The following PITPNM2 variants were observed in gnomAD, a reference collection of about 807,000 sequenced individuals.
PITPNM2 encodes membrane-associated phosphatidylinositol transfer protein 2.
PITPNM2 carries 35 observed loss-of-function variants against 132.2 expected under a neutral mutation model. That is an observed-to-expected ratio of 0.26 (90% CI 0.20 to 0.35). PITPNM2 has a LOEUF of 0.35. Ranked by LOEUF, PITPNM2 falls within the 10% of genes least tolerant of loss-of-function variation. The pLI is 1.00. For synonymous variants in PITPNM2, 738 were observed against 799.2 expected, an observed-to-expected ratio of 0.92 and a Z score of 1.29; for missense variants, 1,332 against 1,912.0, an observed-to-expected ratio of 0.70 and a Z score of 5.66.
chr12:122,995,329 T>C, intron 14 of PITPNM2, 60 bp downstream of exon 14: 1 of 1,523,612 alleles, frequency 6.6e-7, no homozygotes, highest in African/African-American at 1.4e-5. Context: ...GGGATGTTCC[T>C]CCCTCTTGGA....
intron 2 of PITPNM2, among the ~76,000 whole-genome samples, chr12:123,052,235 C>T (rs2040885175): frequency 6.6e-6 from 1 of 152,004 alleles, no homozygotes; most frequent in African/African-American, 2.4e-5. Flanking sequence ...CTAGTTTTTC[C>T]ATTCTATTCT....
chr12:123,038,575 T>C (rs774011207), intron 2 of PITPNM2, among the ~76,000 whole-genome samples: 1 of 152,248 alleles, frequency 6.6e-6, no homozygotes, highest in Non-Finnish European at 1.5e-5. Flanking sequence ...GGAGCCAGGC[T>C]CTCTGAGATC....
chr12:123,047,103 A>G (rs1345845439), intron 2 of PITPNM2, among the ~76,000 whole-genome samples: 3 of 152,240 alleles, frequency 2.0e-5, no homozygotes. Flanking sequence ...TTTGGAAGAA[A>G]TGAAAGCCCC....
chr12:123,131,599 G>A (rs1182925184), intron 1 of PITPNM2, among the ~76,000 whole-genome samples: 1 of 152,198 alleles, frequency 6.6e-6, no homozygotes. Context: ...GGCTCCAGGA[G>A]GCAGAGGGAG....
At chr12:123,102,502 G>A (rs1361985704) in intron 2 of PITPNM2, among the ~76,000 whole-genome samples, 1 of 152,150 alleles carries the variant, frequency 6.6e-6, no homozygotes, top group African/African-American at 2.4e-5. Flanking sequence ...AAAGCAAACT[G>A]GATTTCCCTC....
At chr12:123,020,801 T>A (rs1001039457) in intron 3 of PITPNM2, among the ~76,000 whole-genome samples, 1 of 151,896 alleles carries the variant, frequency 6.6e-6, no homozygotes, top group Non-Finnish European at 1.5e-5. Context: ...GGCAGGCAGA[T>A]CACCTGAGGT....
chr12:123,043,992 G>C (rs1386852497), intron 2 of PITPNM2, among the ~76,000 whole-genome samples: 1 of 152,128 alleles, frequency 6.6e-6, no homozygotes, highest in Non-Finnish European at 1.5e-5. Context: ...GGTCCTCTAG[G>C]GACCCTGCTG....
At chr12:123,086,661 G>A (rs2042121190) in intron 2 of PITPNM2, among the ~76,000 whole-genome samples, 1 of 152,178 alleles carries the variant, frequency 6.6e-6, no homozygotes, top group Non-Finnish European at 1.5e-5. Context: ...TTAGTGACTT[G>A]CCCCAGGACA....
chr12:123,109,261 A>G (rs2042785330), intron 2 of PITPNM2, among the ~76,000 whole-genome samples: 1 of 147,226 alleles, frequency 6.8e-6, no homozygotes, highest in Non-Finnish European at 1.6e-5. Flanking sequence ...AAAAAGAAGG[A>G]AAAATCACTT....
intron 2 of PITPNM2, among the ~76,000 whole-genome samples, chr12:123,052,344 T>C (rs956139991): frequency 8.5e-5 from 13 of 152,188 alleles, no homozygotes; most frequent in Non-Finnish European, 1.6e-4. Flanking sequence ...TTTATTCTCT[T>C]ACAGTTCTGG....
Position 123,009,897 on chromosome 12 carries a change from C to T in PITPNM2, c.596G>A (p.Arg199His), listed in dbSNP as rs777705611. Reference sequence around the variant, plus strand: ...GATCTTGGACTGCATGCCCCAGTAGCGGAACTCCACCTTGCAGAGCTTGTA... The same window carrying T: ...GATCTTGGACTGCATGCCCCAGTAGTGGAACTCCACCTTGCAGAGCTTGTA... ...CAYKLCKVEF[R>H]YWGMQSKIER... Residue 199 changes from arginine (R) to histidine (H), a missense_variant, in exon 6 of 26, where the codon CGC (arginine) becomes CAC (histidine). Transcript: ENST00000320201. This position sits in a 1 kb window ranked among gnomAD's most constrained non-coding sequence, Gnocchi z 4.8. 21 of 1,614,162 alleles carry T rather than the reference C, an allele frequency of 1.3e-5. No individual in the cohort carries two copies. Among genetic ancestry groups the T allele is most frequent in the Non-Finnish European group, 1.7e-5 (20 of 1,180,026 alleles).
chr12:123,111,068 G>A lies in PITPNM2; in HGVS notation c.-199-580C>T, dbSNP rs774490407. Among the ~76,000 whole-genome samples, 31 of 152,176 alleles carry A rather than the reference G, an allele frequency of 2.0e-4. No homozygotes were observed. Among genetic ancestry groups the A allele is most frequent in the Non-Finnish European group, 4.3e-4 (29 of 68,032 alleles). On this transcript the variant is annotated intron_variant, in intron 1 of 25. Transcript: ENST00000320201. This position sits in a 1 kb window ranked among gnomAD's most constrained non-coding sequence, Gnocchi z 4.1. ...CAGAGACAAGCATTCAAAACAAAATGAAAAAGGTGGAGAAATGGATTTCCA... is the reference window on the plus strand; with the variant it reads ...CAGAGACAAGCATTCAAAACAAAATAAAAAAGGTGGAGAAATGGATTTCCA...
At chr12:122,988,585 AAAGGT>A (rs1051010273) in intron 19 of PITPNM2, 134 bp downstream of exon 19, 5 of 934,780 alleles carry the variant, frequency 5.3e-6, no homozygotes, top group Admixed American at 5.4e-5. Context: ...ACCCGAGCAT[AAAGGT>A]GCCCTCATCT....
At chr12:123,059,083 G>A (rs1303549054) in intron 2 of PITPNM2, among the ~76,000 whole-genome samples, 2 of 152,238 alleles carry the variant, frequency 1.3e-5, no homozygotes, top group Non-Finnish European at 2.9e-5. Context: ...CAGCTGTGGG[G>A]GCAGAGGTCA....
chr12:123,127,497 C>T (rs972109674), intron 1 of PITPNM2, among the ~76,000 whole-genome samples: 1 of 152,162 alleles, frequency 6.6e-6, no homozygotes, highest in Admixed American at 6.5e-5. Flanking sequence ...CTGTCTTATT[C>T]TAATTAATTT....
chr12:123,134,458 C>T (rs1158583661), intron 1 of PITPNM2, among the ~76,000 whole-genome samples: 1 of 152,130 alleles, frequency 6.6e-6, no homozygotes, highest in African/African-American at 2.4e-5. Context: ...GTGTCACCCA[C>T]AGGGTCCTGG....
At chr12:123,045,994 G>C (rs71456784) in intron 2 of PITPNM2, among the ~76,000 whole-genome samples, 10 of 152,004 alleles carry the variant, frequency 6.6e-5, no homozygotes, top group Non-Finnish European at 1.3e-4. Flanking sequence ...CAGAGAAATT[G>C]CCCACAGCTC....
chr12:122,995,010 G>A, intron 14 of PITPNM2, 31 bp from the exon 15 acceptor site: 1 of 1,555,130 alleles, frequency 6.4e-7, no homozygotes, highest in South Asian at 1.2e-5. Context: ...TAGCTGTCAT[G>A]TGGGTGCAGC....
chr12:123,056,033 G>T (rs1363704754), intron 2 of PITPNM2, among the ~76,000 whole-genome samples: 1 of 152,168 alleles, frequency 6.6e-6, no homozygotes, highest in Non-Finnish European at 1.5e-5. Context: ...CTTTCCTGTG[G>T]TGTTAATCTC....
Sources: gnomAD v4.1 joint callset for allele counts (sites outside exome capture counted in the v4.1 genomes callset) on GRCh38, gnomAD v4.1.1 for gene constraint, Gnocchi (gnomAD v3.1) non-coding constraint, MANE v1.5 for transcripts, NCBI Gene and HGNC (gene_info 2026-07-23, HGNC 2026-07-21) for gene names.